Variants in TNFAIP8L3 observed in about 807,000 individuals in gnomAD.
TNFAIP8L3 encodes the protein tumor necrosis factor alpha-induced protein 8-like protein 3.
TNFAIP8L3 carries 7 observed loss-of-function variants against 11.8 expected under a neutral mutation model. The observed-to-expected ratio is 0.59, with a 90% confidence interval of 0.34 to 1.11. TNFAIP8L3 has a LOEUF of 1.11. TNFAIP8L3 is among the 50% of genes most tolerant of loss of function. The pLI is 0.03. For missense variants in TNFAIP8L3, 219 were observed against 258.6 expected (o/e 0.85, Z 1.05); for synonymous variants, 98 against 103.8 (o/e 0.94, Z 0.34).
chr15:51,078,916 G>A (rs1402043522), intron 1 of TNFAIP8L3, among the ~76,000 whole-genome samples: 6 of 152,038 alleles, frequency 3.9e-5, no homozygotes, highest in South Asian at 2.1e-4. Context: ...TTTCTTCCCC[G>A]AATGCTTGTC....
At chr15:51,081,547 G>A (rs138944555) in intron 1 of TNFAIP8L3, among the ~76,000 whole-genome samples, 1 of 152,288 alleles carries the variant, frequency 6.6e-6, no homozygotes, top group East Asian at 1.9e-4. Flanking sequence ...TTCCACCTGT[G>A]TGCTGTCTTA....
At chr15:51,079,979 T>C (rs1335640026) in intron 1 of TNFAIP8L3, among the ~76,000 whole-genome samples, 1 of 150,910 alleles carries the variant, frequency 6.6e-6, no homozygotes, top group Non-Finnish European at 1.5e-5. Context: ...ACAGACAAAA[T>C]AGTTTAAACT....
chr15:51,104,955 C>T (rs772597362), intron 1 of TNFAIP8L3: 97 of 1,612,040 alleles, frequency 6.0e-5, no homozygotes, highest in Non-Finnish European at 8.1e-5. Context: ...TTGCACAAGC[C>T]TCCCCGCCCC....
chr15:51,058,527 A>C, intron 1 of TNFAIP8L3, 84 bp from the exon 2 acceptor site: 1 of 1,248,782 alleles, frequency 8.0e-7, no homozygotes. Flanking sequence ...CACTAACTTG[A>C]ACTTATGTTC....
At chr15:51,062,664 G>A (rs549555145) in intron 1 of TNFAIP8L3, among the ~76,000 whole-genome samples, 2 of 152,282 alleles carry the variant, frequency 1.3e-5, no homozygotes, top group East Asian at 3.9e-4. Flanking sequence ...GGGATGAAAA[G>A]AAGAATTTCT....
intron 1 of TNFAIP8L3, among the ~76,000 whole-genome samples, chr15:51,103,031 C>T (rs1398317900): frequency 6.6e-6 from 1 of 152,168 alleles, no homozygotes; most frequent in Non-Finnish European, 1.5e-5. Context: ...ATCTCCTCCC[C>T]TTTCCCTTCC....
chr15:51,076,423 C>T (rs2065350471), intron 1 of TNFAIP8L3, among the ~76,000 whole-genome samples: 1 of 152,170 alleles, frequency 6.6e-6, no homozygotes, highest in African/African-American at 2.4e-5. Flanking sequence ...CTGGAAGTTT[C>T]TCAGAAATGT....
rs948946660 is a variant in TNFAIP8L3 at position 51,094,416 on chromosome 15, G to A, written c.52+128C>T. 2.7e-6 allele frequency: 3 copies of A among 1,123,930 alleles called. No individual in the cohort carries two copies. Among genetic ancestry groups the A allele is most frequent in the Non-Finnish European group, 2.3e-6 (2 of 880,066 alleles). 69.6% of individuals were successfully genotyped at this position (1,123,930 alleles called of 1,614,324 possible). ...AAGCCCCAAAGCAAACTCACGACGC[G>A]GAGCAATCCCCAGTCTTGGCCTGGA... On this transcript the variant is annotated intron_variant, in intron 1 of 1. Transcript: ENST00000637513. This position sits in a 1 kb window ranked among gnomAD's most constrained non-coding sequence, Gnocchi z 4.4.
upstream of TNFAIP8L3, among the ~76,000 whole-genome samples, chr15:51,095,439 G>A (rs2065507585): frequency 6.6e-6 from 1 of 152,074 alleles, no homozygotes; most frequent in African/African-American, 2.4e-5. Flanking sequence ...GCGAGGGCAG[G>A]GCAGGTGGGG....
At chr15:51,097,864 A>AGGGGG (rs1259703850), upstream of TNFAIP8L3, among the ~76,000 whole-genome samples, 2 of 146,774 alleles carry the variant, frequency 1.4e-5, no homozygotes, top group African/African-American at 2.5e-5. Context: ...TGGGGGGGGA[A>AGGGGG]AAACTCTTAA....
upstream of TNFAIP8L3, among the ~76,000 whole-genome samples, chr15:51,099,414 A>C (rs72727121): frequency 0.074 from 11,302 of 152,124 alleles, 605 homozygotes; most frequent in South Asian, 0.12. Context: ...ACTCAAAAGC[A>C]CTGATACAAA....
chr15:51,090,523 A>C (rs1396448774), intron 1 of TNFAIP8L3, among the ~76,000 whole-genome samples: 1 of 152,170 alleles, frequency 6.6e-6, no homozygotes, highest in Non-Finnish European at 1.5e-5. Context: ...TATCTCCCAG[A>C]ACTCCCCAGT....
intron 1 of TNFAIP8L3, among the ~76,000 whole-genome samples, chr15:51,104,680 T>C (rs1335410349): frequency 6.6e-6 from 1 of 152,240 alleles, no homozygotes; most frequent in Admixed American, 6.5e-5. Context: ...CTCTCTGACC[T>C]GGCCTTGGGC....
chr15:51,065,912 T>C (rs1193276495), intron 1 of TNFAIP8L3, among the ~76,000 whole-genome samples: 1 of 151,872 alleles, frequency 6.6e-6, no homozygotes, highest in Admixed American at 6.6e-5. Flanking sequence ...AAGAAAACAA[T>C]CTGGAGTGCT....
chr15:51,104,105 C>T (rs1407946999), intron 1 of TNFAIP8L3, among the ~76,000 whole-genome samples: 1 of 152,188 alleles, frequency 6.6e-6, no homozygotes, highest in Non-Finnish European at 1.5e-5. Context: ...GTTCCCCAGG[C>T]TCATAGTCTC....
chr15:51,096,909 A>AAG (rs1017550775), upstream of TNFAIP8L3, among the ~76,000 whole-genome samples: 7 of 135,568 alleles, frequency 5.2e-5, no homozygotes, highest in South Asian at 2.2e-4. Context: ...AAAAAAAAAA[A>AAG]AAAGAAAGAA....
At chr15:51,060,296 C>T (rs528995802) in intron 1 of TNFAIP8L3, among the ~76,000 whole-genome samples, 3 of 152,328 alleles carry the variant, frequency 2.0e-5, no homozygotes, top group Admixed American at 2.0e-4. Flanking sequence ...GAAGATTGCA[C>T]TGTATGCTTT....
At chr15:51,060,635 C>T (rs2065236887) in intron 1 of TNFAIP8L3, among the ~76,000 whole-genome samples, 1 of 152,212 alleles carries the variant, frequency 6.6e-6, no homozygotes, top group Non-Finnish European at 1.5e-5. Context: ...GCACACTGGC[C>T]ACACACAGCA....
In TNFAIP8L3 at chr15:51,058,140, A is replaced by G. The variant is rs376096744; in HGVS notation, c.356T>C (p.Ile119Thr). 3 of 1,614,216 alleles carry G rather than the reference A, an allele frequency of 1.9e-6. No individual in the cohort carries two copies. Among genetic ancestry groups the G allele is most frequent in the Admixed American group, 1.7e-5 (1 of 60,018 alleles). ...GTATTCCACCTCATAGAAGCTGACA[A>G]TGGTCATGGCGGTCTGGTTCAGCTT... ...RKKLNQTAMTIVSFYEVEYTF... is the reference protein window; with the variant it reads ...RKKLNQTAMTTVSFYEVEYTF... Residue 119 changes from isoleucine (I) to threonine (T), a missense_variant, in exon 2 of 2, where the codon ATT becomes ACT. Transcript: ENST00000637513.
Sources: gnomAD v4.1 joint callset for allele counts (sites outside exome capture counted in the v4.1 genomes callset) on GRCh38, gnomAD v4.1.1 for gene constraint, Gnocchi (gnomAD v3.1) non-coding constraint, MANE v1.5 for transcripts, NCBI Gene and HGNC (gene_info 2026-07-23, HGNC 2026-07-21) for gene names.